The following DNER variants were observed in gnomAD, a reference collection of about 807,000 sequenced individuals.
The protein encoded by DNER is delta and Notch-like epidermal growth factor-related receptor.
Under a neutral mutation model 78.2 loss-of-function variants are expected in DNER, and 33 were observed. The observed-to-expected ratio is 0.42, with a 90% CI of 0.32 to 0.56. The LOEUF (loss-of-function observed/expected upper bound fraction) is 0.56. DNER is among the 20% of genes least tolerant of loss of function. The pLI is 0.11. For missense variants in DNER, 918 were observed against 975.3 expected (o/e 0.94, Z 0.78); for synonymous variants, 417 against 384.8 (o/e 1.08, Z -0.98).
In DNER at chr2:229,687,979, T is replaced by C. The variant is rs546938372; in HGVS notation, c.276+26169A>G. Among the ~76,000 whole-genome samples, 4 of 152,352 alleles carry C rather than the reference T, an allele frequency of 2.6e-5. No individual in the cohort carries two copies. In the South Asian group the frequency reaches 8.3e-4, roughly 32 times the overall value. ...CAGCAAGTGTTTGGCAAGTTTCCGT[T>C]GTGGCATAGAATCTATGCCAATCCA... On this transcript the variant is annotated intron_variant, in intron 1 of 12. Transcript: ENST00000341772.
At chr2:229,664,900 A>G (rs75127718) in intron 1 of DNER, among the ~76,000 whole-genome samples, 4 of 148,876 alleles carry the variant, frequency 2.7e-5, no homozygotes, top group African/African-American at 7.4e-5. Flanking sequence ...ACCCTGTTGG[A>G]AAAAAAAAAA....
chr2:229,618,799 C>A (rs72991627), intron 1 of DNER, among the ~76,000 whole-genome samples: 1 of 152,052 alleles, frequency 6.6e-6, no homozygotes, highest in East Asian at 1.9e-4. Context: ...TAAATTTCCT[C>A]GCTTTTATTT....
intron 6 of DNER, among the ~76,000 whole-genome samples, chr2:229,491,601 T>C (rs985415227): frequency 6.6e-6 from 1 of 152,218 alleles, no homozygotes; most frequent in Non-Finnish European, 1.5e-5. Flanking sequence ...TTATTCAGTC[T>C]CTTCACAAAC....
intron 5 of DNER, among the ~76,000 whole-genome samples, chr2:229,544,770 G>A (rs1425930958): frequency 6.6e-6 from 1 of 152,124 alleles, no homozygotes; most frequent in Non-Finnish European, 1.5e-5. Context: ...CTGACCTCAG[G>A]TGATCCGCCA....
At chr2:229,673,966 G>C (rs76434456) in intron 1 of DNER, among the ~76,000 whole-genome samples, 2,002 of 152,322 alleles carry the variant, frequency 0.013, 25 homozygotes, top group Non-Finnish European at 0.018. Flanking sequence ...ACAGGTATTT[G>C]TCATCCCCGC....
Position 229,714,379 on chromosome 2 carries a change from G to T in DNER, c.45C>A (p.Pro15=). 1 of 1,211,796 alleles carries T rather than the reference G, an allele frequency of 8.3e-7. No individual in the cohort carries two copies. The highest frequency in any genetic ancestry group is 1.0e-6 in the Non-Finnish European group (1 of 978,124). The allele number at this position is 1,211,796 out of a possible 1,614,324, so 75.1% of individuals were successfully genotyped here. ...GCAGCAGCAGCAGCAGGGCCAGCGC[G>T]GGCAGCAGCTGCGCACCGGGCGCCT... is the stretch of plus-strand genomic sequence containing the variant. ...RAQAPGAQLL[P]ALALLLLLLG... is the part of the protein sequence containing the mutation. Residue 15 remains proline (P), a synonymous_variant, in exon 1 of 13, where the codon CCC becomes CCA. Transcript: ENST00000341772.
chr2:229,432,328 T>C (rs779807574), intron 8 of DNER, among the ~76,000 whole-genome samples: 15 of 152,046 alleles, frequency 9.9e-5, no homozygotes, highest in Non-Finnish European at 2.1e-4. Flanking sequence ...TTTTTCATTA[T>C]GGGATGCACA....
chr2:229,489,391 A>G (rs1695345702), intron 6 of DNER, among the ~76,000 whole-genome samples: 1 of 152,182 alleles, frequency 6.6e-6, no homozygotes, highest in Non-Finnish European at 1.5e-5. Context: ...GAGGGAGATG[A>G]TGGCACCACT....
chr2:229,425,788 T>C (rs572791220), intron 8 of DNER, among the ~76,000 whole-genome samples: 28 of 152,318 alleles, frequency 1.8e-4, no homozygotes, highest in African/African-American at 5.1e-4. Context: ...TCTGTCAGTA[T>C]CACCTCTGGA....
chr2:229,389,594 T>A (rs911911639), intron 10 of DNER, among the ~76,000 whole-genome samples: 2 of 152,290 alleles, frequency 1.3e-5, no homozygotes, highest in African/African-American at 4.8e-5. Context: ...TCAAAAGCAA[T>A]GTTTCAGTGT....
chr2:229,599,860 A>G (rs1454211433), intron 1 of DNER, among the ~76,000 whole-genome samples: 1 of 152,244 alleles, frequency 6.6e-6, no homozygotes, highest in Admixed American at 6.5e-5. Flanking sequence ...AAACACAAAT[A>G]AAATGTTATG....
intron 7 of DNER, among the ~76,000 whole-genome samples, chr2:229,469,279 TGCA>T (rs1392917507): frequency 1.3e-5 from 2 of 152,144 alleles, no homozygotes; most frequent in Non-Finnish European, 2.9e-5. Context: ...GAGGAATTGG[TGCA>T]GCAGAAAGAA....
chr2:229,572,266 A>G (rs1284437141), intron 4 of DNER, among the ~76,000 whole-genome samples: 1 of 152,086 alleles, frequency 6.6e-6, no homozygotes, highest in Non-Finnish European at 1.5e-5. Context: ...CTTGGTGACT[A>G]CTCTCAACTT....
intron 1 of DNER, among the ~76,000 whole-genome samples, chr2:229,704,163 G>A (rs750125930): frequency 2.6e-5 from 4 of 152,150 alleles, no homozygotes; most frequent in South Asian, 4.1e-4. Flanking sequence ...ACCACTGCAC[G>A]CTTATTAGAA....
In DNER at chr2:229,714,365, A is replaced by AGCC; in HGVS notation, c.58_59insGGC (p.Leu19_Leu20insArg). 1.6e-6 allele frequency: 2 copies of AGCC among 1,226,966 alleles called. No homozygotes were observed. Among genetic ancestry groups the AGCC allele is most frequent in the East Asian group, 6.8e-5 (2 of 29,222 alleles). The allele number at this position is 1,226,966 out of a possible 1,614,324, so 76.0% of individuals were successfully genotyped here. ...GGGCCCCGCTCCGAGCAGCAGCAGC[A>AGCC]GCAGGGCCAGCGCGGGCAGCAGCTG... On this transcript the variant is annotated inframe_insertion, in exon 1 of 13. Coordinates refer to ENST00000341772, the MANE Select transcript of DNER (RefSeq NM_139072.4).
At chr2:229,705,455 C>G (rs971641446) in intron 1 of DNER, among the ~76,000 whole-genome samples, 1 of 152,184 alleles carries the variant, frequency 6.6e-6, no homozygotes, top group Admixed American at 6.5e-5. Flanking sequence ...GAAAGAAATA[C>G]CTTAACATTA....
Position 229,714,171 on chromosome 2 carries a change from C to G in DNER, c.253G>C (p.Gly85Arg), listed in dbSNP as rs1005500456. Residue 85 changes from glycine (G) to arginine (R), a missense_variant, in exon 1 of 13, where the codon GGG (glycine) becomes CGG (arginine). Physicochemically the swap from Gly to Arg is moderately radical, Grantham distance 125 (BLOSUM62 -2). Coordinates refer to ENST00000341772, the MANE Select transcript of DNER (RefSeq NM_139072.4). The stretch of plus-strand genomic sequence containing the variant: ...ACCTGGCAGTTGGCGCCGGAGATCC[C>G]GGCGGGGCAGGTGCAGCTGTAGCCA... ...EPGYSCTCPA[G>R]ISGANCQLVA... 6.0e-6 allele frequency: 8 copies of G among 1,330,616 alleles called. No individual in the cohort carries two copies. The highest frequency in any genetic ancestry group is 3.1e-5 in the East Asian group (1 of 32,406). 82.4% of individuals were successfully genotyped at this position (1,330,616 alleles called of 1,614,324 possible). A position where few individuals can be genotyped will look rare whatever the true frequency, so the allele number is the denominator to read the frequency against.
At chr2:229,397,350 G>T (rs1693168013) in intron 10 of DNER, among the ~76,000 whole-genome samples, 1 of 149,428 alleles carries the variant, frequency 6.7e-6, no homozygotes, top group South Asian at 2.1e-4. Flanking sequence ...AAAAGATGCA[G>T]AAAACAAAAC....
At chr2:229,500,460 G>A (rs1173291701) in intron 6 of DNER, among the ~76,000 whole-genome samples, 1 of 152,144 alleles carries the variant, frequency 6.6e-6, no homozygotes, top group African/African-American at 2.4e-5. Flanking sequence ...TAACTATTAT[G>A]AAAAACAGTA....
Sources: gnomAD v4.1 joint callset for allele counts (sites outside exome capture counted in the v4.1 genomes callset) on GRCh38, gnomAD v4.1.1 for gene constraint, MANE v1.5 for transcripts, NCBI Gene and HGNC (gene_info 2026-07-23, HGNC 2026-07-21) for gene names.